The following MARCHF1 variants were observed in gnomAD, a reference collection of about 807,000 sequenced individuals.
MARCHF1 encodes E3 ubiquitin-protein ligase MARCHF1.
Under a neutral mutation model 54.2 loss-of-function variants are expected in MARCHF1, and 40 were observed. That is an observed-to-expected ratio of 0.74 (90% CI 0.57 to 0.96). The LOEUF (loss-of-function observed/expected upper bound fraction) is 0.96. MARCHF1 is among the 40% of genes least tolerant of loss of function. The pLI, the probability that MARCHF1 is intolerant of heterozygous loss-of-function variation, is 0.00. For missense variants in MARCHF1, 586 were observed against 656.5 expected (o/e 0.89, Z 1.17); for synonymous variants, 236 against 236.3 (o/e 1.00, Z 0.01).
At chr4:163,561,854 A>G (rs1050238058) in intron 8 of MARCHF1, among the ~76,000 whole-genome samples, 1 of 152,122 alleles carries the variant, frequency 6.6e-6, no homozygotes, top group South Asian at 2.1e-4. Flanking sequence ...AAAAACATCT[A>G]TCTTTTGGTT....
At chr4:164,315,947 T>G (rs1734985363) in intron 1 of MARCHF1, among the ~76,000 whole-genome samples, 2 of 152,200 alleles carry the variant, frequency 1.3e-5, no homozygotes, top group Admixed American at 6.5e-5. Flanking sequence ...TGTAGGTAGA[T>G]AGGCTGAGTT....
chr4:163,915,044 T>A (rs902151864), intron 3 of MARCHF1, among the ~76,000 whole-genome samples: 1 of 152,186 alleles, frequency 6.6e-6, no homozygotes, highest in African/African-American at 2.4e-5. Flanking sequence ...CTTTGGATGT[T>A]TTATTCCAAG....
chr4:164,002,760 G>A (rs76321681), intron 2 of MARCHF1, among the ~76,000 whole-genome samples: 2,433 of 151,944 alleles, frequency 0.016, 56 homozygotes, highest in African/African-American at 0.052. Flanking sequence ...ATACAGGTAT[G>A]CCAAATTCAA....
intron 1 of MARCHF1, among the ~76,000 whole-genome samples, chr4:164,194,778 TTAAA>T (rs1731209556): frequency 6.6e-6 from 1 of 152,168 alleles, no homozygotes; most frequent in African/African-American, 2.4e-5. Context: ...GTTATACTAA[TTAAA>T]TAATAAGTAA....
chr4:163,950,353 C>T (rs1415745250), intron 3 of MARCHF1, among the ~76,000 whole-genome samples: 2 of 152,228 alleles, frequency 1.3e-5, no homozygotes, highest in African/African-American at 4.8e-5. Flanking sequence ...CGAGTGTGTG[C>T]ACACCCAGCC....
intron 8 of MARCHF1, among the ~76,000 whole-genome samples, chr4:163,551,115 G>C (rs1337831027): frequency 1.3e-5 from 2 of 152,056 alleles, no homozygotes; most frequent in Admixed American, 1.3e-4. Context: ...CAACAAATGA[G>C]TTTTGTTTTC....
intron 3 of MARCHF1, among the ~76,000 whole-genome samples, chr4:163,856,537 T>A (rs2111176866): frequency 1.3e-5 from 2 of 152,346 alleles, no homozygotes; most frequent in African/African-American, 4.8e-5. Flanking sequence ...ATTATATTAA[T>A]GTAGAATCTA....
chr4:163,884,668 A>G (rs913538536), intron 3 of MARCHF1, among the ~76,000 whole-genome samples: 1 of 152,140 alleles, frequency 6.6e-6, no homozygotes, highest in Admixed American at 6.6e-5. Flanking sequence ...ACTTTCAAAT[A>G]TCCTGAACAC....
chr4:163,944,747 G>T (rs990362019), intron 3 of MARCHF1, among the ~76,000 whole-genome samples: 1 of 152,116 alleles, frequency 6.6e-6, no homozygotes. Context: ...TTACAGGCAG[G>T]CATTTCATTA....
In MARCHF1 at chr4:163,527,374, CTCA is replaced by C. The variant is rs531962740; in HGVS notation, c.*1371_*1373del. On this transcript the variant is annotated 3_prime_UTR_variant, in exon 10 of 10. Transcript: ENST00000514618. ...AGGGCTAGATTCTTAGTCATAATTACTCATCATCTGTCAAGTTGACACCTCATA... is the reference window on the plus strand; with the variant it reads ...AGGGCTAGATTCTTAGTCATAATTACTCATCTGTCAAGTTGACACCTCATA... 6.6e-6 allele frequency: 1 copy of C among 152,200 alleles called. No individual in the cohort carries two copies. Among genetic ancestry groups the C allele is most frequent in the African/African-American group, 2.4e-5 (1 of 41,574 alleles). The allele number at this position is 152,200 out of a possible 1,614,324, so 9.4% of individuals were successfully genotyped here.
intron 3 of MARCHF1, among the ~76,000 whole-genome samples, chr4:163,969,146 T>C (rs7678986): frequency 6.6e-6 from 1 of 151,950 alleles, no homozygotes; most frequent in Non-Finnish European, 1.5e-5. Flanking sequence ...GGCATTTCTA[T>C]GAGCAAAATG....
At chr4:163,570,676 T>C (rs1212718900) in intron 8 of MARCHF1, among the ~76,000 whole-genome samples, 1 of 152,170 alleles carries the variant, frequency 6.6e-6, no homozygotes, top group Non-Finnish European at 1.5e-5. Context: ...AGACCTCTTT[T>C]GTTTTGCCTG....
At chr4:163,934,642 G>A (rs1751756359) in intron 3 of MARCHF1, among the ~76,000 whole-genome samples, 1 of 138,050 alleles carries the variant, frequency 7.2e-6, no homozygotes, top group Non-Finnish European at 1.6e-5. Flanking sequence ...TCATGAAATT[G>A]TAACAATTCA....
chr4:163,830,397 G>T (rs1748985177), intron 4 of MARCHF1, among the ~76,000 whole-genome samples: 1 of 151,942 alleles, frequency 6.6e-6, no homozygotes, highest in Non-Finnish European at 1.5e-5. Flanking sequence ...ACTAAAGGAG[G>T]CAACTCTCTA....
chr4:164,082,154 A>G (rs573521930), intron 2 of MARCHF1, among the ~76,000 whole-genome samples: 5 of 152,360 alleles, frequency 3.3e-5, no homozygotes, highest in Admixed American at 2.6e-4. Flanking sequence ...TGTTCACTGT[A>G]AATATCAAAT....
At chr4:163,535,147 A>T (rs1738485896) in intron 9 of MARCHF1, among the ~76,000 whole-genome samples, 1 of 152,074 alleles carries the variant, frequency 6.6e-6, no homozygotes, top group Non-Finnish European at 1.5e-5. Context: ...CATACGTTCC[A>T]CACTTTTAAC....
intron 3 of MARCHF1, among the ~76,000 whole-genome samples, chr4:163,868,439 A>G (rs1473813326): frequency 6.6e-6 from 1 of 152,022 alleles, no homozygotes. Context: ...ACTAGTAAAT[A>G]TAAGATATAT....
In MARCHF1 at chr4:163,538,612, T is replaced by C. The variant is rs754651664; in HGVS notation, c.1339+6984A>G. ...AGAGGATTTCTCTTATTAAGGTTAA[T>C]GGCTTCTCAAGAGTAGTTTTCCTGT... On this transcript the variant is annotated intron_variant, in intron 9 of 9. Coordinates refer to ENST00000514618, the MANE Select transcript of MARCHF1 (RefSeq NM_001394959.1). Among the ~76,000 whole-genome samples, 64 of 152,218 alleles carry C rather than the reference T, an allele frequency of 4.2e-4. 1 individual carries two copies. Among genetic ancestry groups the C allele is most frequent in the Admixed American group, 1.5e-3 (23 of 15,286 alleles).
At chr4:164,249,422 G>A (rs1733057869) in intron 1 of MARCHF1, among the ~76,000 whole-genome samples, 1 of 152,048 alleles carries the variant, frequency 6.6e-6, no homozygotes, top group Non-Finnish European at 1.5e-5. Context: ...GAAAATATGT[G>A]ATGTATATGT....
Sources: gnomAD v4.1 joint callset for allele counts (sites outside exome capture counted in the v4.1 genomes callset) on GRCh38, gnomAD v4.1.1 for gene constraint, MANE v1.5 for transcripts, NCBI Gene and HGNC (gene_info 2026-07-23, HGNC 2026-07-21) for gene names.